Variants in GLTPD2 observed in about 807,000 individuals in gnomAD.
GLTPD2 encodes the protein glycolipid transfer protein domain containing 2.
In GLTPD2, 12 loss-of-function variants were observed where a neutral mutation model predicts 12.9. The ratio of observed to expected loss-of-function variants is 0.93; its 90% CI spans 0.59 to 1.50. The LOEUF (loss-of-function observed/expected upper bound fraction) is 1.50, where lower values mean the gene tolerates loss of function less well. Among genes scored for constraint, GLTPD2 ranks in the 40% most tolerant of loss-of-function variants. GLTPD2 has a pLI of 0.00. For missense variants in GLTPD2, 450 were observed against 426.2 expected, an observed-to-expected ratio of 1.06 and a Z score of -0.49; for synonymous variants, 199 against 205.6, an observed-to-expected ratio of 0.97 and a Z score of 0.27.
chr17:4,789,390 C>A, intron 2 of GLTPD2, 100 bp downstream of exon 2: 2 of 1,501,572 alleles, frequency 1.3e-6, no homozygotes, highest in Non-Finnish European at 9.0e-7. Flanking sequence ...GGTCCTCCCC[C>A]GGTCTACCCT....
chr17:4,790,140 CT>C lies in GLTPD2; in HGVS notation c.722del (p.Phe241SerfsTer91). 2.7e-6 allele frequency: 4 copies of C among 1,464,614 alleles called. No individual in the cohort carries two copies. Among genetic ancestry groups the C allele is most frequent in the Non-Finnish European group, 2.7e-6 (3 of 1,118,410 alleles). 90.7% of individuals were successfully genotyped at this position (1,464,614 alleles called of 1,614,324 possible). On this transcript the variant is annotated frameshift_variant, in exon 4 of 4. Coordinates refer to ENST00000331264, the MANE Select transcript of GLTPD2 (RefSeq NM_001014985.3). LOFTEE classifies it low-confidence loss of function (END_TRUNC). ...RQTARLAFLA[F>X]PGRRRLLELA... ...AGACCGCCCGCCTCGCCTTCCTCGC[CT>C]TCCCGGGTCGCCGCCGCCTGCTGGA... is the stretch of plus-strand genomic sequence containing the variant.
In GLTPD2 at chr17:4,789,982, C is replaced by T; in HGVS notation, c.562C>T (p.Arg188Cys). 1 of 1,518,178 alleles carries T rather than the reference C, an allele frequency of 6.6e-7. No homozygotes were observed. The allele number at this position is 1,518,178 out of a possible 1,614,324, so 94.0% of individuals were successfully genotyped here. The part of the protein sequence containing the change: ...SGSRTLLLLH[R>C]ALRWSQLCLH... Reference sequence around the variant, plus strand: ...CTCTCGCACGCTGCTCCTGCTGCACCGCGCGCTGCGCTGGTCCCAGCTCTG... The same window carrying T: ...CTCTCGCACGCTGCTCCTGCTGCACTGCGCGCTGCGCTGGTCCCAGCTCTG... The change falls in exon 4 of 4, where the codon CGC becomes TGC. Residue 188 changes from arginine (R) to cysteine (C), a missense_variant. Coordinates refer to ENST00000331264, the MANE Select transcript of GLTPD2 (RefSeq NM_001014985.3).
At position 4,789,853 on chromosome 17, in the gene GLTPD2, G is replaced by A. The variant is rs543629984; in HGVS notation, c.433G>A (p.Ala145Thr). The A allele has an allele frequency of 3.7e-6, 6 of 1,602,750 alleles. No individual in the cohort carries two copies. Among genetic ancestry groups the A allele is most frequent in the South Asian group, 1.1e-5 (1 of 89,438 alleles). Residue 145 changes from alanine to threonine, a missense_variant, in exon 4 of 4, where the codon GCG becomes ACG. Physicochemically the swap from Ala to Thr is moderately conservative, Grantham distance 58 (BLOSUM62 0). Transcript: ENST00000331264. ...GGAGGCTCGGGTGCACGGCCCGGAC[G>A]CGGAGCACTACTGGTCGCTGGTGGC... ...DLEARVHGPD[A>T]EHYWSLVAMA...
At chr17:4,789,385 TC>T in intron 2 of GLTPD2, 95 bp downstream of exon 2, 2 of 1,505,294 alleles carry the variant, frequency 1.3e-6, no homozygotes, top group Admixed American at 2.0e-5. Context: ...GGGCGGGTCC[TC>T]CCCCGGTCTA....
At position 4,790,444 on chromosome 17, in the gene GLTPD2, G is replaced by C; in HGVS notation, c.*148G>C. 1.8e-6 allele frequency: 1 copy of C among 556,968 alleles called. No individual in the cohort carries two copies. Among genetic ancestry groups the C allele is most frequent in the East Asian group, 3.6e-5 (1 of 27,398 alleles). The allele number at this position is 556,968 out of a possible 1,614,324, so 34.5% of individuals were successfully genotyped here. The stretch of plus-strand genomic sequence containing the variant: ...GCCGCGGCGAGGGCCGCCCCCGGCA[G>C]GGAATGGCGTTGAGCTCCCTCTGTC... On this transcript the variant is annotated 3_prime_UTR_variant, in exon 4 of 4. Coordinates refer to ENST00000331264, the MANE Select transcript of GLTPD2 (RefSeq NM_001014985.3).
chr17:4,789,103 G>C lies in GLTPD2; in HGVS notation c.92G>C (p.Ser31Thr), dbSNP rs757075896. 2 of 1,614,016 alleles carry C rather than the reference G, an allele frequency of 1.2e-6. No individual in the cohort carries two copies. The highest frequency in any genetic ancestry group is 2.2e-5 in the South Asian group (2 of 91,080). ...AIFALLLLYL[S>T]VRSLGARSGC... ...TTCGCGCTGCTGCTGCTTTATCTCAGTGTTCGGAGCCTAGGTGAGCTGCCC... is the reference window on the plus strand; with the variant it reads ...TTCGCGCTGCTGCTGCTTTATCTCACTGTTCGGAGCCTAGGTGAGCTGCCC... The change falls in exon 1 of 4, where the codon AGT becomes ACT. Residue 31 changes from serine (S) to threonine (T), a missense_variant. By Grantham distance (58) the Ser-to-Thr change is moderately conservative. Coordinates refer to ENST00000331264, the MANE Select transcript of GLTPD2 (RefSeq NM_001014985.3).
In GLTPD2 at chr17:4,789,542, C is replaced by G. The variant is rs747114975; in HGVS notation, c.203C>G (p.Pro68Arg). Residue 68 changes from proline to arginine, a missense_variant, in exon 3 of 4, where the codon CCG becomes CGG. Transcript: ENST00000331264. ...VRQESGTLEA[P>R]ERKQPPCLGP... is the part of the protein sequence containing the mutation. ...CAGGAGTCGGGAACCCTGGAGGCCC[C>G]GGAGAGGAAACAGCCTCCGTGTCTG... The G allele has an allele frequency of 1.2e-6, 2 of 1,613,998 alleles. No individual in the cohort carries two copies. Among genetic ancestry groups the G allele is most frequent in the East Asian group, 2.2e-5 (1 of 44,880 alleles).
intron 2 of GLTPD2, 54 bp downstream of exon 2, chr17:4,789,344 G>A (rs1917600794): frequency 1.3e-6 from 2 of 1,530,278 alleles, no homozygotes; most frequent in East Asian, 4.5e-5. Flanking sequence ...CAGAACAGGG[G>A]GACGTGGAGC....
At chr17:4,789,708 C>T in intron 3 of GLTPD2, 31 bp downstream of exon 3, 1 of 1,612,526 alleles carries the variant, frequency 6.2e-7, no homozygotes, top group Non-Finnish European at 8.5e-7. Context: ...CAGCCGGTCC[C>T]CGCCTCCTTG....
At position 4,789,973 on chromosome 17, in the gene GLTPD2, C is replaced by T. The variant is rs1917625555; in HGVS notation, c.553C>T (p.Leu185=). 2.0e-6 allele frequency: 3 copies of T among 1,524,576 alleles called. No individual in the cohort carries two copies. Among genetic ancestry groups the T allele is most frequent in the Non-Finnish European group, 2.6e-6 (3 of 1,141,150 alleles). The allele number at this position is 1,524,576 out of a possible 1,614,324, so 94.4% of individuals were successfully genotyped here. ...TRSSGSRTLL[L]LHRALRWSQL... ...GAGCTCGGGCTCTCGCACGCTGCTC[C>T]TGCTGCACCGCGCGCTGCGCTGGTC... The change falls in exon 4 of 4, where the codon CTG becomes TTG. Residue 185 remains leucine (L), a synonymous_variant. Coordinates refer to ENST00000331264, the MANE Select transcript of GLTPD2 (RefSeq NM_001014985.3).
Position 4,789,646 on chromosome 17 carries a change from C to G in GLTPD2, c.307C>G (p.Pro103Ala). Residue 103 changes from proline to alanine, a missense_variant, in exon 3 of 4, where the codon CCG (proline) becomes GCG (alanine). Transcript: ENST00000331264. ...ACCCGAAGGGGATGTGGGGCTGTCG[C>G]CGTACCTGGCGGGATGGAGGGCACT... is the stretch of plus-strand genomic sequence containing the variant. ...LKPEGDVGLS[P>A]YLAGWRALVE... 1 of 1,613,698 alleles carries G rather than the reference C, an allele frequency of 6.2e-7. No homozygotes were observed. Among genetic ancestry groups the G allele is most frequent in the Non-Finnish European group, 8.5e-7 (1 of 1,179,988 alleles).
rs750302355 is a variant in GLTPD2, at chr17:4,790,302, C to A, written c.*6C>A. On this transcript the variant is annotated 3_prime_UTR_variant, in exon 4 of 4. Transcript: ENST00000331264. Reference sequence around the variant, plus strand: ...GCCTGCTCCAGCTGGCCTAAGACGGCGGCTGCGGGGACCGGCGGGAACGGA... The same window carrying A: ...GCCTGCTCCAGCTGGCCTAAGACGGAGGCTGCGGGGACCGGCGGGAACGGA... The A allele has an allele frequency of 5.5e-5, 80 of 1,462,530 alleles. No individual in the cohort carries two copies. Among genetic ancestry groups the A allele is most frequent in the Admixed American group, 1.0e-4 (4 of 39,246 alleles). The allele number at this position is 1,462,530 out of a possible 1,614,324, so 90.6% of individuals were successfully genotyped here.
In GLTPD2 at chr17:4,790,396, T is replaced by C; in HGVS notation, c.*100T>C. The C allele has an allele frequency of 1.0e-6, 1 of 989,576 alleles. No homozygotes were observed. Among genetic ancestry groups the C allele is most frequent in the Non-Finnish European group, 1.3e-6 (1 of 751,042 alleles). The allele number at this position is 989,576 out of a possible 1,614,324, so 61.3% of individuals were successfully genotyped here. On this transcript the variant is annotated 3_prime_UTR_variant, in exon 4 of 4. Coordinates refer to ENST00000331264, the MANE Select transcript of GLTPD2 (RefSeq NM_001014985.3). ...GCAGCCCGCGCCGCGGCCGCCTCCG[T>C]ATCCCGCCTCTTCCGTGACGTCGCC...
chr17:4,789,216 C>T lies in GLTPD2; in HGVS notation c.107-10C>T, dbSNP rs1322562615. The T allele has an allele frequency of 6.2e-7, 1 of 1,600,828 alleles. No homozygotes were observed. Among genetic ancestry groups the T allele is most frequent in the Non-Finnish European group, 8.5e-7 (1 of 1,173,006 alleles). ...TCGAGCCCTCACCGCTCCGCTTCTC[C>T]TCTACCCAGGCGCCCGCTCGGGCTG... On this transcript the variant is annotated splice_polypyrimidine_tract_variant and intron_variant, in intron 1 of 3. Transcript: ENST00000331264.
In GLTPD2 at chr17:4,789,673, G is replaced by A. The variant is rs763714979; in HGVS notation, c.334G>A (p.Val112Ile). The stretch of plus-strand genomic sequence containing the variant: ...GTACCTGGCGGGATGGAGGGCACTC[G>A]TCGAGTGAGTGGCCTCCCGCCCCCC... ...SPYLAGWRAL[V>I]EFLTPLGSVF... Residue 112 changes from valine (V) to isoleucine (I), a missense_variant, in exon 3 of 4, where the codon GTC (valine) becomes ATC (isoleucine). Val to Ile is a conservative substitution (Grantham distance 29). Transcript: ENST00000331264. 1.9e-6 allele frequency: 3 copies of A among 1,611,418 alleles called. No individual in the cohort carries two copies. The highest frequency in any genetic ancestry group is 2.2e-5 in the East Asian group (1 of 44,770).
chr17:4,789,437 C>A, intron 2 of GLTPD2, 74 bp from the exon 3 acceptor site: 2 of 1,544,110 alleles, frequency 1.3e-6, no homozygotes, highest in Admixed American at 3.6e-5. Flanking sequence ...AGAAGAGCCG[C>A]CAGCTAAACC....
rs762876527 is a variant in GLTPD2, at chr17:4,790,147, G to A, written c.727G>A (p.Gly243Ser). ...CCGCCTCGCCTTCCTCGCCTTCCCG[G>A]GTCGCCGCCGCCTGCTGGAGCTGGC... The part of the protein sequence containing the change: ...TARLAFLAFP[G>S]RRRLLELACP... The change falls in exon 4 of 4, where the codon GGT (glycine) becomes AGT (serine). Residue 243 changes from glycine to serine, a missense_variant. Gly to Ser is a moderately conservative substitution (Grantham distance 56). Coordinates refer to ENST00000331264, the MANE Select transcript of GLTPD2 (RefSeq NM_001014985.3). 4.8e-6 allele frequency: 7 copies of A among 1,465,434 alleles called. No homozygotes were observed. In the South Asian group the frequency reaches 6.7e-5, roughly 14 times the overall value. 90.8% of individuals were successfully genotyped at this position (1,465,434 alleles called of 1,614,324 possible).
In GLTPD2 at chr17:4,790,349, C is replaced by G; in HGVS notation, c.*53C>G. On this transcript the variant is annotated 3_prime_UTR_variant, in exon 4 of 4. Coordinates refer to ENST00000331264, the MANE Select transcript of GLTPD2 (RefSeq NM_001014985.3). ...CGGAGCGGACCGCCCGGGGTGGGGC[C>G]GCGCAGCCCGGGGTCAGTCCTGCAG... 1 of 1,355,738 alleles carries G rather than the reference C, an allele frequency of 7.4e-7. No individual in the cohort carries two copies. The highest frequency in any genetic ancestry group is 9.5e-7 in the Non-Finnish European group (1 of 1,053,538). 84.0% of individuals were successfully genotyped at this position (1,355,738 alleles called of 1,614,324 possible). A position where few individuals can be genotyped will look rare whatever the true frequency, so the allele number is the denominator to read the frequency against.
rs375244706 is a variant in GLTPD2 at position 4,789,582 on chromosome 17, G to T, written c.243G>T (p.Met81Ile). ...KQPPCLGPRG[M>I]LGRMMRRFHA... The stretch of plus-strand genomic sequence containing the variant: ...CTCCGTGTCTGGGCCCTCGGGGGAT[G>T]CTGGGCCGCATGATGAGGCGGTTCC... Residue 81 changes from methionine to isoleucine, a missense_variant, in exon 3 of 4, where the codon ATG becomes ATT. Transcript: ENST00000331264. The T allele has an allele frequency of 1.2e-6, 2 of 1,613,934 alleles. No homozygotes were observed. Among genetic ancestry groups the T allele is most frequent in the Non-Finnish European group, 1.7e-6 (2 of 1,179,964 alleles).
Sources: gnomAD v4.1 joint callset for allele counts on GRCh38, gnomAD v4.1.1 for gene constraint, MANE v1.5 for transcripts, NCBI Gene and HGNC (gene_info 2026-07-23, HGNC 2026-07-21) for gene names.